The following GLRA3 variants were observed in gnomAD, a reference collection of about 807,000 sequenced individuals.
GLRA3 encodes the protein glycine receptor alpha 3, also known as glycine receptor subunit alpha-3.
GLRA3 carries 44 observed loss-of-function variants against 60.4 expected under a neutral mutation model. The observed-to-expected ratio is 0.73, with a 90% CI of 0.57 to 0.94. The LOEUF is 0.94. Among genes scored for constraint, GLRA3 ranks in the 40% least tolerant of loss-of-function variants. GLRA3 has a pLI of 0.00. For missense variants in GLRA3, 508 were observed against 564.6 expected (o/e 0.90, Z 1.02); for synonymous variants, 223 against 192.9 (o/e 1.16, Z -1.29).
At chr4:174,819,644 C>T (rs182686566) in intron 1 of GLRA3, among the ~76,000 whole-genome samples, 43 of 152,268 alleles carry the variant, frequency 2.8e-4, no homozygotes, top group Non-Finnish European at 5.1e-4. Flanking sequence ...TTCATAATTA[C>T]ATTTTCAGTT....
intron 1 of GLRA3, among the ~76,000 whole-genome samples, chr4:174,810,055 G>A (rs553862246): frequency 2.0e-5 from 3 of 152,174 alleles, no homozygotes; most frequent in African/African-American, 4.8e-5. Flanking sequence ...ACAATGTGTC[G>A]AGCACTGTCT....
rs115044082 is a variant in GLRA3, at chr4:174,815,232, G to C, written c.71+13509C>G. ...CCATGTCATGCTTATGCAAGAGGTG[G>C]GCTCCCATGGCCTTGAGCAGCTCCA... On this transcript the variant is annotated intron_variant, in intron 1 of 9. Transcript: ENST00000274093. Among the ~76,000 whole-genome samples, 1,442 of 152,302 alleles carry C rather than the reference G, an allele frequency of 9.5e-3. 19 individuals carry two copies. Among genetic ancestry groups the C allele is most frequent in the African/African-American group, 0.032 (1,345 of 41,566 alleles).
intron 5 of GLRA3, among the ~76,000 whole-genome samples, chr4:174,687,314 T>G (rs1586339): frequency 0.19 from 28,166 of 152,132 alleles, 2,870 homozygotes; most frequent in East Asian, 0.34. Flanking sequence ...CATTAACAAT[T>G]ATTAATTTTA....
chr4:174,715,514 T>C lies in GLRA3; in HGVS notation c.548A>G (p.Gln183Arg). The change falls in exon 5 of 10, where the codon CAA becomes CGA. Residue 183 changes from glutamine to arginine, a missense_variant. By Grantham distance (43) the Gln-to-Arg change is conservative. Transcript: ENST00000274093. Reference sequence around the variant, plus strand: ...GCTTTCCAGTTGCATTATACATGTTTGTACATCCATGGGAAAATTCTTGAG... The same window carrying C: ...GCTTTCCAGTTGCATTATACATGTTCGTACATCCATGGGAAAATTCTTGAG... ...MDLKNFPMDV[Q>R]TCIMQLESFG... 1 of 1,553,418 alleles carries C rather than the reference T, an allele frequency of 6.4e-7. No homozygotes were observed. Among genetic ancestry groups the C allele is most frequent in the Non-Finnish European group, 8.9e-7 (1 of 1,127,902 alleles).
chr4:174,813,547 C>CT (rs1740356063), intron 1 of GLRA3, among the ~76,000 whole-genome samples: 1 of 152,224 alleles, frequency 6.6e-6, no homozygotes, highest in African/African-American at 2.4e-5. Flanking sequence ...TCAGCCTACA[C>CT]TGGTCTGTTT....
intron 3 of GLRA3, among the ~76,000 whole-genome samples, chr4:174,756,588 T>C (rs547365113): frequency 6.6e-6 from 1 of 151,982 alleles, no homozygotes; most frequent in East Asian, 1.9e-4. Flanking sequence ...ACAGTGGAAG[T>C]AAACTCAATC....
At position 174,691,188 on chromosome 4, in the gene GLRA3, T is replaced by G. The variant is rs542307416; in HGVS notation, c.575-8249A>C. On this transcript the variant is annotated intron_variant, in intron 5 of 9. Transcript: ENST00000274093. ...CAACCTCAGCAGCATCTGTCATTTT[T>G]TTGACTTTTTAGTAATAGCCATTTT... 3.9e-5 allele frequency among the ~76,000 whole-genome samples: 6 copies of G among 152,310 alleles called. No homozygotes were observed. In the East Asian group the frequency reaches 9.7e-4, roughly 25 times the overall value.
At chr4:174,738,712 C>T (rs1446533477) in intron 3 of GLRA3, among the ~76,000 whole-genome samples, 1 of 152,048 alleles carries the variant, frequency 6.6e-6, no homozygotes, top group African/African-American at 2.4e-5. Flanking sequence ...TATTTATACT[C>T]GAATACTTTC....
intron 2 of GLRA3, among the ~76,000 whole-genome samples, chr4:174,778,714 C>T (rs1008821906): frequency 3.3e-5 from 5 of 151,966 alleles, no homozygotes; most frequent in African/African-American, 4.8e-5. Flanking sequence ...AAAGGGGTGA[C>T]GCACCTGGAA....
At chr4:174,828,350 T>TA (rs1741062275) in intron 1 of GLRA3, among the ~76,000 whole-genome samples, 2 of 152,148 alleles carry the variant, frequency 1.3e-5, no homozygotes, top group Non-Finnish European at 2.9e-5. Flanking sequence ...ATTTCTGCAT[T>TA]AAAAAAAGTA....
chr4:174,804,957 A>C (rs1031232879), intron 1 of GLRA3, among the ~76,000 whole-genome samples: 6 of 152,240 alleles, frequency 3.9e-5, no homozygotes, highest in African/African-American at 1.4e-4. Flanking sequence ...TTTACTGTAC[A>C]CGTAGCGACA....
intron 4 of GLRA3, among the ~76,000 whole-genome samples, chr4:174,721,652 G>A (rs1579505170): frequency 1.3e-5 from 2 of 151,690 alleles, no homozygotes; most frequent in Middle Eastern, 3.4e-3. Context: ...CCAAATGCCA[G>A]AATGTGTAGA....
At position 174,677,099 on chromosome 4, in the gene GLRA3, T is replaced by A; in HGVS notation, c.906A>T (p.Gly302=). 6.2e-7 allele frequency: 1 copy of A among 1,611,072 alleles called. No individual in the cohort carries two copies. The highest frequency in any genetic ancestry group is 8.5e-7 in the Non-Finnish European group (1 of 1,177,330). ...TVLTMTTQSS[G]SRASLPKVSY... Reference sequence around the variant, plus strand: ...TTACTTTTGGCAAGGAAGCTCGTGATCCTGAACTCTGTGTAGTCATCGTTA... The same window carrying A: ...TTACTTTTGGCAAGGAAGCTCGTGAACCTGAACTCTGTGTAGTCATCGTTA... The change falls in exon 7 of 10, where the codon GGA becomes GGT. Residue 302 remains glycine, a synonymous_variant. Coordinates refer to ENST00000274093, the MANE Select transcript of GLRA3 (RefSeq NM_006529.4).
intron 1 of GLRA3, among the ~76,000 whole-genome samples, chr4:174,797,465 T>C (rs1167966921): frequency 6.6e-6 from 1 of 152,226 alleles, no homozygotes; most frequent in Non-Finnish European, 1.5e-5. Flanking sequence ...CTGTGTGGGC[T>C]CATACACATT....
chr4:174,795,569 C>T (rs182113088), intron 1 of GLRA3, among the ~76,000 whole-genome samples: 56 of 151,994 alleles, frequency 3.7e-4, no homozygotes, highest in Admixed American at 1.8e-3. Flanking sequence ...CTTTTATAAG[C>T]CTTTTATAAA....
chr4:174,802,051 T>C (rs2111343944), intron 1 of GLRA3, among the ~76,000 whole-genome samples: 1 of 151,768 alleles, frequency 6.6e-6, no homozygotes, highest in African/African-American at 2.4e-5. Flanking sequence ...TGAAATGAAT[T>C]AACTGAATAT....
chr4:174,749,467 T>C (rs1485935), intron 3 of GLRA3, among the ~76,000 whole-genome samples: 128,964 of 152,056 alleles, frequency 0.85, 55,618 homozygotes, highest in Non-Finnish European at 0.94. Context: ...CATTAAATGA[T>C]AGGATACTAG....
intron 5 of GLRA3, among the ~76,000 whole-genome samples, chr4:174,699,958 A>G (rs1451419151): frequency 6.6e-6 from 1 of 151,974 alleles, no homozygotes; most frequent in Admixed American, 6.6e-5. Flanking sequence ...TGTAATCCAC[A>G]CTCCCAGGAT....
At chr4:174,674,877 C>T (rs1233676329) in intron 7 of GLRA3, among the ~76,000 whole-genome samples, 3 of 152,112 alleles carry the variant, frequency 2.0e-5, no homozygotes, top group Admixed American at 6.6e-5. Context: ...ATAAAGCCCT[C>T]ACCTCCTGTC....
Sources: allele counts gnomAD v4.1 joint callset (sites outside exome capture counted in the v4.1 genomes callset), GRCh38; gene constraint gnomAD v4.1.1; transcripts MANE v1.5; gene names NCBI Gene and HGNC (gene_info 2026-07-23, HGNC 2026-07-21).